The following AFG2A variants were observed in gnomAD, a reference collection of about 807,000 sequenced individuals.
AFG2A encodes the protein AAA ATPase AFG2A, also known as ATPase family gene 2 protein homolog A.
chr4:122,957,760 A>C, the AFG2A span, among the ~76,000 whole-genome samples: 2 of 152,146 alleles, frequency 1.3e-5, no homozygotes, highest in East Asian at 1.9e-4. Flanking sequence ...AAACATGATA[A>C]GTTTCCTTGG....
the AFG2A span, among the ~76,000 whole-genome samples, chr4:123,298,572 A>G: frequency 6.6e-6 from 1 of 152,238 alleles, no homozygotes; most frequent in East Asian, 1.9e-4. Flanking sequence ...TAGCTGAGAC[A>G]GAATTTAGTC....
At chr4:123,099,403 G>T in the AFG2A span, among the ~76,000 whole-genome samples, 4 of 151,576 alleles carry the variant, frequency 2.6e-5, no homozygotes, top group African/African-American at 4.8e-5. Context: ...GTGCTTTTGA[G>T]GTCATGTTCA....
chr4:123,269,199 A>G, the AFG2A span, among the ~76,000 whole-genome samples: 1 of 152,278 alleles, frequency 6.6e-6, no homozygotes, highest in East Asian at 1.9e-4. Flanking sequence ...CCCTCCATCA[A>G]ATAAAGCCGT....
At chr4:123,313,503 C>T in the AFG2A span, among the ~76,000 whole-genome samples, 16 of 152,188 alleles carry the variant, frequency 1.1e-4, no homozygotes, top group Admixed American at 2.0e-4. Flanking sequence ...CTCCCTTGAC[C>T]GTTGGCTCCC....
chr4:123,039,480 G>A, the AFG2A span, among the ~76,000 whole-genome samples: 275 of 152,028 alleles, frequency 1.8e-3, no homozygotes, highest in African/African-American at 6.4e-3. Context: ...TCTAAAGCTT[G>A]TTTTATTGGG....
the AFG2A span, among the ~76,000 whole-genome samples, chr4:123,077,580 A>C: frequency 6.6e-6 from 1 of 152,108 alleles, no homozygotes; most frequent in Non-Finnish European, 1.5e-5. Flanking sequence ...CCTCCTTTAC[A>C]CTGCATCCAA....
the AFG2A span, among the ~76,000 whole-genome samples, chr4:123,017,062 G>C: frequency 1.3e-3 from 194 of 152,030 alleles, 1 homozygote; most frequent in Non-Finnish European, 2.1e-3. Context: ...AGTGAGCCGA[G>C]ATGGCAGCAG....
At chr4:123,109,370 T>C in the AFG2A span, among the ~76,000 whole-genome samples, 4 of 152,306 alleles carry the variant, frequency 2.6e-5, no homozygotes, top group East Asian at 7.7e-4. Flanking sequence ...TTTTTTTCTC[T>C]TGTGAGTGCT....
At chr4:122,924,917 T>C in the AFG2A span, among the ~76,000 whole-genome samples, 8,116 of 152,274 alleles carry the variant, frequency 0.053, 517 homozygotes, top group African/African-American at 0.16. Flanking sequence ...CAATAAAAGC[T>C]TCTATATACT....
At chr4:123,023,810 A>G in the AFG2A span, among the ~76,000 whole-genome samples, 3 of 152,090 alleles carry the variant, frequency 2.0e-5, no homozygotes, top group Non-Finnish European at 4.4e-5. Flanking sequence ...GCTACCCTGC[A>G]CTGTACGGCC....
chr4:123,160,275 G>T, the AFG2A span, among the ~76,000 whole-genome samples: 8,744 of 152,094 alleles, frequency 0.057, 432 homozygotes, highest in African/African-American at 0.13. Context: ...TAATTCACTT[G>T]GGGTGGAGTA....
the AFG2A span, among the ~76,000 whole-genome samples, chr4:123,136,864 AAG>A: frequency 1.3e-5 from 2 of 151,992 alleles, no homozygotes; most frequent in African/African-American, 4.8e-5. Flanking sequence ...AAAAGAAAAA[AAG>A]AGAATGTAGT....
chr4:122,992,434 T>A, the AFG2A span, among the ~76,000 whole-genome samples: 3 of 152,254 alleles, frequency 2.0e-5, no homozygotes, highest in Non-Finnish European at 4.4e-5. Flanking sequence ...AGTCAACATT[T>A]CTGTAATTAG....
At chr4:122,958,774 C>T in the AFG2A span, among the ~76,000 whole-genome samples, 1 of 152,152 alleles carries the variant, frequency 6.6e-6, no homozygotes, top group Non-Finnish European at 1.5e-5. Context: ...TCCTAAACCT[C>T]ATTATGCATC....
At chr4:123,147,422 T>A in the AFG2A span, among the ~76,000 whole-genome samples, 1 of 152,104 alleles carries the variant, frequency 6.6e-6, no homozygotes, top group Non-Finnish European at 1.5e-5. Context: ...TGGTACTCAG[T>A]ACCAGTTTAC....
the AFG2A span, among the ~76,000 whole-genome samples, chr4:123,099,404 G>A: frequency 8.9e-3 from 1,357 of 151,774 alleles, 10 homozygotes; most frequent in Non-Finnish European, 0.014. Flanking sequence ...TGCTTTTGAG[G>A]TCATGTTCAA....
chr4:123,258,996 C>A, the AFG2A span, among the ~76,000 whole-genome samples: 1 of 150,968 alleles, frequency 6.6e-6, no homozygotes, highest in Admixed American at 6.6e-5. Flanking sequence ...CCTCCCAAGT[C>A]GCTGGGATTA....
At chr4:123,308,743 T>C in the AFG2A span, among the ~76,000 whole-genome samples, 9 of 152,314 alleles carry the variant, frequency 5.9e-5, no homozygotes, top group African/African-American at 2.2e-4. Context: ...TACTATAGAT[T>C]GGCCAAATCT....
the AFG2A span, among the ~76,000 whole-genome samples, chr4:122,941,996 G>A: frequency 1.1e-4 from 17 of 151,964 alleles, no homozygotes; most frequent in African/African-American, 4.1e-4. Context: ...CTTGATCATG[G>A]TGGATAAGCT....
Sources: gnomAD v4.1 joint callset for allele counts (sites outside exome capture counted in the v4.1 genomes callset) on GRCh38, gnomAD v4.1.1 for gene constraint, MANE v1.5 for transcripts, NCBI Gene and HGNC (gene_info 2026-07-23, HGNC 2026-07-21) for gene names.